The following ZKSCAN1 variants were observed in gnomAD, a reference collection of about 807,000 sequenced individuals.
ZKSCAN1 encodes zinc finger protein with KRAB and SCAN domains 1.
In ZKSCAN1, 14 loss-of-function variants were observed where a neutral mutation model predicts 51.6. The ratio of observed to expected loss-of-function variants is 0.27; its 90% CI spans 0.18 to 0.42. ZKSCAN1 has a LOEUF of 0.42. Among genes scored for constraint, ZKSCAN1 ranks in the 10% least tolerant of loss-of-function variants. The pLI is 1.00. For missense variants in ZKSCAN1, 531 were observed against 710.0 expected (o/e 0.75, Z 2.86); for synonymous variants, 263 against 261.5 (o/e 1.01, Z -0.06).
chr7:100,036,648 G>A lies in ZKSCAN1; in HGVS notation c.*2451G>A, dbSNP rs2115962852. ...CAGGAGAATCACTTGAACCCAGGAG[G>A]CAGAGGTTGCAGTGAGCCAAGATTG... On this transcript the variant is annotated 3_prime_UTR_variant, in exon 6 of 6. Coordinates refer to ENST00000324306, the MANE Select transcript of ZKSCAN1 (RefSeq NM_003439.4). The A allele has an allele frequency of 1.2e-6, 1 of 838,920 alleles. No individual in the cohort carries two copies. The highest frequency in any genetic ancestry group is 1.2e-4 in the East Asian group (1 of 8,090). The allele number at this position is 838,920 out of a possible 1,614,324, so 52.0% of individuals were successfully genotyped here.
At position 100,036,275 on chromosome 7, in the gene ZKSCAN1, G is replaced by A. The variant is rs779410392; in HGVS notation, c.*2078G>A. The stretch of plus-strand genomic sequence containing the variant: ...ACTAGGATATTTCTACCCATGCAAC[G>A]GAAGAAAAACCCATTACTCCAGAAG... On this transcript the variant is annotated 3_prime_UTR_variant, in exon 6 of 6. Coordinates refer to ENST00000324306, the MANE Select transcript of ZKSCAN1 (RefSeq NM_003439.4). 2.6e-5 allele frequency: 26 copies of A among 985,328 alleles called. No homozygotes were observed. Among genetic ancestry groups the A allele is most frequent in the Middle Eastern group, 5.2e-4 (1 of 1,914 alleles). 61.0% of individuals were successfully genotyped at this position (985,328 alleles called of 1,614,324 possible). A position where few individuals can be genotyped will look rare whatever the true frequency, so the allele number is the denominator to read the frequency against.
Position 100,038,369 on chromosome 7 carries a change from G to A in ZKSCAN1, c.*4172G>A. 2 of 985,486 alleles carry A rather than the reference G, an allele frequency of 2.0e-6. No individual in the cohort carries two copies. Among genetic ancestry groups the A allele is most frequent in the Non-Finnish European group, 2.4e-6 (2 of 829,936 alleles). The allele number at this position is 985,486 out of a possible 1,614,324, so 61.0% of individuals were successfully genotyped here. The stretch of plus-strand genomic sequence containing the variant: ...GGTTCACAGAACGGAGCAGCGGGGA[G>A]AGGAAGGGAAAAGCTTCATAGTTTG... On this transcript the variant is annotated 3_prime_UTR_variant, in exon 6 of 6. Transcript: ENST00000324306.
chr7:100,023,964 C>T, intron 2 of ZKSCAN1, 32 bp downstream of exon 2: 1 of 1,544,196 alleles, frequency 6.5e-7, no homozygotes, highest in Non-Finnish European at 8.7e-7. Flanking sequence ...TATGTGTGAG[C>T]AGGGCACAGA....
Position 100,039,997 on chromosome 7 carries a change from T to C in ZKSCAN1, c.*5800T>C, listed in dbSNP as rs1486163040. 2 of 893,776 alleles carry C rather than the reference T, an allele frequency of 2.2e-6. No homozygotes were observed. Among genetic ancestry groups the C allele is most frequent in the African/African-American group, 1.8e-5 (1 of 55,232 alleles). The allele number at this position is 893,776 out of a possible 1,614,324, so 55.4% of individuals were successfully genotyped here. A position where few individuals can be genotyped will look rare whatever the true frequency, so the allele number is the denominator to read the frequency against. On this transcript the variant is annotated 3_prime_UTR_variant, in exon 6 of 6. Coordinates refer to ENST00000324306, the MANE Select transcript of ZKSCAN1 (RefSeq NM_003439.4). ...AACATAGATTTAGGGTTTTTTTTTT[T>C]AGAGTGGACACACTACATTTAAAAG...
At chr7:100,043,771 ATTTTTTTTTTTTT>A (rs772298225), downstream of ZKSCAN1, among the ~76,000 whole-genome samples, 16 of 58,922 alleles carry the variant, frequency 2.7e-4, no homozygotes, top group African/African-American at 9.7e-4. Flanking sequence ...TTCTTTCTTG[ATTTTTTTTTTTTT>A]TTTTTTTTTT....
In ZKSCAN1 at chr7:100,040,689, G is replaced by A. The variant is rs1461739810; in HGVS notation, c.*6492G>A. 2.0e-6 allele frequency: 2 copies of A among 985,388 alleles called. No individual in the cohort carries two copies. The highest frequency in any genetic ancestry group is 1.7e-5 in the African/African-American group (1 of 57,246). The allele number at this position is 985,388 out of a possible 1,614,324, so 61.0% of individuals were successfully genotyped here. ...GGACGGTAACGGCCCCACACTCCAG[G>A]CTGAGAAAGAGTAATTAGGAGGCCT... On this transcript the variant is annotated 3_prime_UTR_variant, in exon 6 of 6. Transcript: ENST00000324306.
At position 100,023,630 on chromosome 7, in the gene ZKSCAN1, T is replaced by A. The variant is rs1307872917; in HGVS notation, c.124T>A (p.Ser42Thr). Residue 42 changes from serine to threonine, a missense_variant, in exon 2 of 6, where the codon TCC (serine) becomes ACC (threonine). Physicochemically the swap from Ser to Thr is moderately conservative, Grantham distance 58. Around this residue, in one of 2 missense-constraint regions of ZKSCAN1, gnomAD observed 403 missense variants for 490.5 expected, o/e 0.82. Transcript: ENST00000324306. ...GGAAGACCACATGTGGGGGCAGGATTCCACCCTACAGGACACGCCTCCTCC... is the reference window on the plus strand; with the variant it reads ...GGAAGACCACATGTGGGGGCAGGATACCACCCTACAGGACACGCCTCCTCC... ...DEEDHMWGQD[S>T]TLQDTPPPDP... The A allele has an allele frequency of 2.5e-6, 4 of 1,613,994 alleles. No individual in the cohort carries two copies. The East Asian group carries it at 8.9e-5, about 36-fold the overall frequency.
chr7:100,032,362 T>G (rs532581437), intron 5 of ZKSCAN1, among the ~76,000 whole-genome samples: 1 of 152,310 alleles, frequency 6.6e-6, no homozygotes, highest in South Asian at 2.1e-4. Context: ...CTGCTGTGAT[T>G]TGTTGTCTTC....
In ZKSCAN1 at chr7:100,036,715, CAAAAA is replaced by C. The variant is rs1287134437; in HGVS notation, c.*2528_*2532del. On this transcript the variant is annotated 3_prime_UTR_variant, in exon 6 of 6. Transcript: ENST00000324306. Reference sequence around the variant, plus strand: ...CTGGGTGACTAGCAAAACTCCATCTCAAAAAAAAAAAAAAGAAAGAAAGAAACTGA... The same window carrying C: ...CTGGGTGACTAGCAAAACTCCATCTCAAAAAAAAAGAAAGAAAGAAACTGA... The C allele has an allele frequency of 1.1e-5, 9 of 796,336 alleles. No individual in the cohort carries two copies. The highest frequency in any genetic ancestry group is 1.0e-4 in the African/African-American group (4 of 39,820). 49.3% of individuals were successfully genotyped at this position (796,336 alleles called of 1,614,324 possible). A position where few individuals can be genotyped will look rare whatever the true frequency, so the allele number is the denominator to read the frequency against.
rs1791467209 is a variant in ZKSCAN1 at position 100,038,753 on chromosome 7, T to TG, written c.*4559dup. 1 of 984,440 alleles carries TG rather than the reference T, an allele frequency of 1.0e-6. No individual in the cohort carries two copies. Among genetic ancestry groups the TG allele is most frequent in the African/African-American group, 1.7e-5 (1 of 57,218 alleles). The allele number at this position is 984,440 out of a possible 1,614,324, so 61.0% of individuals were successfully genotyped here. A position where few individuals can be genotyped will look rare whatever the true frequency, so the allele number is the denominator to read the frequency against. On this transcript the variant is annotated 3_prime_UTR_variant, in exon 6 of 6. Transcript: ENST00000324306. ...GCTCAGGCCTGTAATCCCAGCACTTTGGGAGACCAAGGCGGGTGGATCACA... is the reference window on the plus strand; with the variant it reads ...GCTCAGGCCTGTAATCCCAGCACTTTGGGGAGACCAAGGCGGGTGGATCACA...
downstream of ZKSCAN1, among the ~76,000 whole-genome samples, chr7:100,044,385 G>A (rs1015746632): frequency 6.6e-6 from 1 of 152,026 alleles, no homozygotes; most frequent in African/African-American, 2.4e-5. Context: ...AAGTAGCACT[G>A]AGCCGGGCAT....
At position 100,023,865 on chromosome 7, in the gene ZKSCAN1, G is replaced by A. The variant is rs760995920; in HGVS notation, c.359G>A (p.Arg120His). 6.0e-5 allele frequency: 96 copies of A among 1,613,412 alleles called. 1 individual carries two copies. In the Middle Eastern group the frequency reaches 2.5e-3, roughly 41 times the overall value. ...CTCCAGGTCTGGCTGCAGGAATACCGCCCCGATAGTGGAGAGGAGGCCGTG... is the reference window on the plus strand; with the variant it reads ...CTCCAGGTCTGGCTGCAGGAATACCACCCCGATAGTGGAGAGGAGGCCGTG... ...KELQVWLQEY[R>H]PDSGEEAVTL... Residue 120 changes from arginine (R) to histidine (H), a missense_variant, in exon 2 of 6, where the codon CGC (arginine) becomes CAC (histidine). Arg to His is a conservative substitution (Grantham distance 29, BLOSUM62 0). Around this residue, in one of 2 missense-constraint regions of ZKSCAN1, gnomAD observed 403 missense variants for 490.5 expected, o/e 0.82. Coordinates refer to ENST00000324306, the MANE Select transcript of ZKSCAN1 (RefSeq NM_003439.4).
In ZKSCAN1 at chr7:100,041,046, T is replaced by A; in HGVS notation, c.*6849T>A. On this transcript the variant is annotated 3_prime_UTR_variant, in exon 6 of 6. Transcript: ENST00000324306. Reference sequence around the variant, plus strand: ...TGAACATATGTATTTTTATTAACTTTTAGTTAAATACAGATTTTACAACGA... The same window carrying A: ...TGAACATATGTATTTTTATTAACTTATAGTTAAATACAGATTTTACAACGA... The A allele has an allele frequency of 1.0e-6, 1 of 977,856 alleles. No individual in the cohort carries two copies. Among genetic ancestry groups the A allele is most frequent in the Non-Finnish European group, 1.2e-6 (1 of 823,052 alleles). 60.6% of individuals were successfully genotyped at this position (977,856 alleles called of 1,614,324 possible).
rs143265277 is a variant in ZKSCAN1, at chr7:100,024,191, G to C, written c.464G>C (p.Arg155Thr). The change falls in exon 3 of 6, where the codon AGG becomes ACG. Residue 155 changes from arginine to threonine, a missense_variant. By Grantham distance (71) the Arg-to-Thr change is moderately conservative. Coordinates refer to ENST00000324306, the MANE Select transcript of ZKSCAN1 (RefSeq NM_003439.4). Reference sequence around the variant, plus strand: ...GTTCATGGACCTGAGATGCTCGCAAGGGGGATGGTGCCTCTGGATCCAGTT... The same window carrying C: ...GTTCATGGACCTGAGATGCTCGCAACGGGGATGGTGCCTCTGGATCCAGTT... ...GQVHGPEMLA[R>T]GMVPLDPVQE... The C allele has an allele frequency of 6.2e-7, 1 of 1,614,086 alleles. No homozygotes were observed. Among genetic ancestry groups the C allele is most frequent in the East Asian group, 2.2e-5 (1 of 44,886 alleles).
rs1562834647 is a variant in ZKSCAN1 at position 100,039,324 on chromosome 7, AAAAG to A, written c.*5143_*5146del. ...CTCTGTCTCAAAAAAAGAAAAAAAA[AAAAG>A]AAAGAAAGAAAGAAAATTGGGGATA... On this transcript the variant is annotated 3_prime_UTR_variant, in exon 6 of 6. Coordinates refer to ENST00000324306, the MANE Select transcript of ZKSCAN1 (RefSeq NM_003439.4). The A allele has an allele frequency of 3.4e-5, 33 of 984,046 alleles. No homozygotes were observed. The highest frequency in any genetic ancestry group is 1.1e-4 in the East Asian group (1 of 8,790). The allele number at this position is 984,046 out of a possible 1,614,324, so 61.0% of individuals were successfully genotyped here.
In ZKSCAN1 at chr7:100,023,568, A is replaced by G. The variant is rs1258992837; in HGVS notation, c.62A>G (p.Asp21Gly). 4.3e-6 allele frequency: 7 copies of G among 1,613,546 alleles called. No individual in the cohort carries two copies. Among genetic ancestry groups the G allele is most frequent in the African/African-American group, 1.3e-5 (1 of 74,906 alleles). Residue 21 changes from aspartate (D) to glycine (G), a missense_variant, in exon 2 of 6, where the codon GAT becomes GGT. Transcript: ENST00000324306. ...GLSPQAAQEK[D>G]GIVIVKVEEE... ...TCCCCACAGGCTGCACAGGAGAAGGATGGTATCGTAATAGTGAAGGTGGAA... is the reference window on the plus strand; with the variant it reads ...TCCCCACAGGCTGCACAGGAGAAGGGTGGTATCGTAATAGTGAAGGTGGAA...
Position 100,040,977 on chromosome 7 carries a change from G to T in ZKSCAN1, c.*6780G>T. On this transcript the variant is annotated 3_prime_UTR_variant, in exon 6 of 6. Transcript: ENST00000324306. The stretch of plus-strand genomic sequence containing the variant: ...GTCCTAAAAATATATGAGTTTGGGG[G>T]TAAGGGGTGGGATAGCCAAGCAAAA... 9.1e-6 allele frequency: 9 copies of T among 985,294 alleles called. No homozygotes were observed. The highest frequency in any genetic ancestry group is 1.1e-5 in the Non-Finnish European group (9 of 829,914). 61.0% of individuals were successfully genotyped at this position (985,294 alleles called of 1,614,324 possible). A position where few individuals can be genotyped will look rare whatever the true frequency, so the allele number is the denominator to read the frequency against.
At chr7:100,032,869 G>A (rs1234042380) in intron 5 of ZKSCAN1, among the ~76,000 whole-genome samples, 2 of 152,162 alleles carry the variant, frequency 1.3e-5, no homozygotes, top group Non-Finnish European at 2.9e-5. Context: ...TTAGCCGGGC[G>A]TGGTGGCGGG....
rs1409896865 is a variant in ZKSCAN1, at chr7:100,036,166, A to C, written c.*1969A>C. On this transcript the variant is annotated 3_prime_UTR_variant, in exon 6 of 6. Coordinates refer to ENST00000324306, the MANE Select transcript of ZKSCAN1 (RefSeq NM_003439.4). Reference sequence around the variant, plus strand: ...TCTTTGGCCTCTCCTTGGCTTTATGACTTAAACCAACTACAACTTCCCTAT... The same window carrying C: ...TCTTTGGCCTCTCCTTGGCTTTATGCCTTAAACCAACTACAACTTCCCTAT... 3 of 985,238 alleles carry C rather than the reference A, an allele frequency of 3.0e-6. No homozygotes were observed. Among genetic ancestry groups the C allele is most frequent in the Non-Finnish European group, 3.6e-6 (3 of 829,902 alleles). 61.0% of individuals were successfully genotyped at this position (985,238 alleles called of 1,614,324 possible). A position where few individuals can be genotyped will look rare whatever the true frequency, so the allele number is the denominator to read the frequency against.
Sources: gnomAD v4.1 joint callset for allele counts (sites outside exome capture counted in the v4.1 genomes callset) on GRCh38, gnomAD v4.1.1 for gene constraint, gnomAD v4.1.1 regional missense constraint, MANE v1.5 for transcripts, NCBI Gene and HGNC (gene_info 2026-07-23, HGNC 2026-07-21) for gene names.